Variants in SLC30A4 observed in about 807,000 individuals in gnomAD.
SLC30A4 encodes the protein solute carrier family 30 member 4.
SLC30A4 carries 20 observed loss-of-function variants against 41.7 expected under a neutral mutation model. The ratio of observed to expected loss-of-function variants is 0.48; its 90% CI spans 0.34 to 0.70. The LOEUF (loss-of-function observed/expected upper bound fraction) is 0.70. Ranked by LOEUF, SLC30A4 falls within the 30% of genes least tolerant of loss-of-function variation. The probability of loss-of-function intolerance (pLI) is 0.01; values close to 1 mark genes in which losing one functional copy is unlikely to be tolerated. For missense variants in SLC30A4, 441 were observed against 529.3 expected (o/e 0.83, Z 1.64); for synonymous variants, 181 against 195.9 (o/e 0.92, Z 0.64).
chr15:45,485,246 T>C lies in SLC30A4; in HGVS notation c.1207A>G (p.Met403Val). ...TGAAGCTGAATAGTACATCTATACA[T>C]GCCAAATGTGTTCAATAATAAATGG... ...ANHLLLNTFGMYRCTIQLQSY... is the reference protein window; with the variant it reads ...ANHLLLNTFGVYRCTIQLQSY... Residue 403 changes from methionine (M) to valine (V), a missense_variant, in exon 8 of 8, where the codon ATG becomes GTG. Around this residue, in one of 3 missense-constraint regions of SLC30A4, gnomAD observed 100 missense variants for 121.0 expected, o/e 0.83. Coordinates refer to ENST00000261867, the MANE Select transcript of SLC30A4 (RefSeq NM_013309.6). 1.9e-6 allele frequency: 3 copies of C among 1,611,184 alleles called. No individual in the cohort carries two copies. Among genetic ancestry groups the C allele is most frequent in the Non-Finnish European group, 2.5e-6 (3 of 1,177,600 alleles).
intron 2 of SLC30A4, among the ~76,000 whole-genome samples, chr15:45,514,300 G>T (rs906356628): frequency 1.3e-5 from 2 of 149,516 alleles, no homozygotes; most frequent in Non-Finnish European, 3.0e-5. Context: ...GGTGGAGGTT[G>T]TGGTGAGCTG....
chr15:45,507,718 C>T (rs1892191882), intron 3 of SLC30A4, among the ~76,000 whole-genome samples: 1 of 152,008 alleles, frequency 6.6e-6, no homozygotes, highest in Non-Finnish European at 1.5e-5. Context: ...AAACTCCTGG[C>T]TTCAAGTGAT....
At chr15:45,489,127 T>C (rs1056762641) in intron 4 of SLC30A4, 85 bp from the exon 5 acceptor site, 4 of 901,830 alleles carry the variant, frequency 4.4e-6, no homozygotes, top group Non-Finnish European at 6.8e-6. Flanking sequence ...TGAGGTAACA[T>C]GGAACTCATT....
intron 3 of SLC30A4, among the ~76,000 whole-genome samples, chr15:45,509,944 C>T (rs192126014): frequency 6.6e-6 from 1 of 152,212 alleles, no homozygotes; most frequent in African/African-American, 2.4e-5. Context: ...TGCTAGTGCA[C>T]GCCTATAGTC....
chr15:45,512,184 T>C (rs1231522216), intron 2 of SLC30A4, among the ~76,000 whole-genome samples: 1 of 152,210 alleles, frequency 6.6e-6, no homozygotes. Flanking sequence ...TGTGTCTGTA[T>C]TGTCCCATAA....
rs1891604759 is a variant in SLC30A4, at chr15:45,481,743, G to T, written c.*3420C>A. On this transcript the variant is annotated 3_prime_UTR_variant, in exon 8 of 8. Coordinates refer to ENST00000261867, the MANE Select transcript of SLC30A4 (RefSeq NM_013309.6). ...TTTGTCAGAAGTCATTCAGTCCTTG[G>T]TCCTATCTGCTAAGTTAATGTCCTT... 2.0e-5 allele frequency: 3 copies of T among 152,124 alleles called. No individual in the cohort carries two copies. The highest frequency in any genetic ancestry group is 4.4e-5 in the Non-Finnish European group (3 of 68,034). The allele number at this position is 152,124 out of a possible 1,614,324, so 9.4% of individuals were successfully genotyped here. A position where few individuals can be genotyped will look rare whatever the true frequency, so the allele number is the denominator to read the frequency against.
chr15:45,503,592 G>A (rs1392934782), intron 3 of SLC30A4, among the ~76,000 whole-genome samples: 1 of 151,816 alleles, frequency 6.6e-6, no homozygotes, highest in Non-Finnish European at 1.5e-5. Flanking sequence ...CTCCAGCCTG[G>A]GTGACAGAGG....
intron 3 of SLC30A4, among the ~76,000 whole-genome samples, chr15:45,495,661 A>G (rs1178950371): frequency 6.6e-6 from 1 of 152,234 alleles, no homozygotes; most frequent in Non-Finnish European, 1.5e-5. Flanking sequence ...AGTCAAACAC[A>G]GCGCATGAAC....
chr15:45,488,279 A>G (rs772737589), intron 5 of SLC30A4, among the ~76,000 whole-genome samples: 6 of 152,160 alleles, frequency 3.9e-5, no homozygotes, highest in Non-Finnish European at 8.8e-5. Context: ...GAGTTTTAAA[A>G]TTGAGTTATC....
intron 4 of SLC30A4, 139 bp from the exon 5 acceptor site, chr15:45,489,181 T>C: frequency 1.5e-6 from 1 of 670,218 alleles, no homozygotes; most frequent in South Asian, 2.0e-5. Context: ...AGTACTGTTC[T>C]AGGTACTTGG....
In SLC30A4 at chr15:45,487,519, G is replaced by GAT; in HGVS notation, c.1000+6_1000+7dup. 1 of 1,276,168 alleles carries GAT rather than the reference G, an allele frequency of 7.8e-7. No individual in the cohort carries two copies. Among genetic ancestry groups the GAT allele is most frequent in the South Asian group, 1.2e-5 (1 of 83,728 alleles). The allele number at this position is 1,276,168 out of a possible 1,614,324, so 79.1% of individuals were successfully genotyped here. Reference sequence around the variant, plus strand: ...TAAACTCATAATGAGGATATAGTGAGATCTTACCTTCTAGTATTATAACTA... The same window carrying GAT: ...TAAACTCATAATGAGGATATAGTGAGATATCTTACCTTCTAGTATTATAACTA... On this transcript the variant is annotated splice_region_variant and intron_variant, in intron 6 of 7. Transcript: ENST00000261867.
At chr15:45,493,698 C>T (rs1205917569) in intron 3 of SLC30A4, among the ~76,000 whole-genome samples, 1 of 151,912 alleles carries the variant, frequency 6.6e-6, no homozygotes, top group Non-Finnish European at 1.5e-5. Context: ...TGGTGGCGGG[C>T]CCCTGTAGCC....
intron 4 of SLC30A4, among the ~76,000 whole-genome samples, chr15:45,489,968 A>G (rs1891778828): frequency 6.6e-6 from 1 of 152,118 alleles, no homozygotes; most frequent in Non-Finnish European, 1.5e-5. Flanking sequence ...ACAAGTGTTG[A>G]GTAGCTTTGA....
intron 3 of SLC30A4, among the ~76,000 whole-genome samples, chr15:45,505,231 CA>C (rs1173997814): frequency 1.4e-5 from 1 of 69,698 alleles, no homozygotes; most frequent in Admixed American, 1.8e-4. Flanking sequence ...AACTCCATCT[CA>C]AAAATTAAAA....
rs1891608002 is a variant in SLC30A4, at chr15:45,481,990, G to C, written c.*3173C>G. On this transcript the variant is annotated 3_prime_UTR_variant, in exon 8 of 8. Transcript: ENST00000261867. ...AATCTCAGCACTTTGGGAGCCCGAGGTGGAAGGATTTCTTGAGCCCAGGAG... is the reference window on the plus strand; with the variant it reads ...AATCTCAGCACTTTGGGAGCCCGAGCTGGAAGGATTTCTTGAGCCCAGGAG... 6.7e-6 allele frequency: 1 copy of C among 149,026 alleles called. No individual in the cohort carries two copies. Among genetic ancestry groups the C allele is most frequent in the African/African-American group, 2.5e-5 (1 of 40,308 alleles). The allele number at this position is 149,026 out of a possible 1,614,324, so 9.2% of individuals were successfully genotyped here.
At chr15:45,499,369 G>T (rs189154151) in intron 3 of SLC30A4, among the ~76,000 whole-genome samples, 316 of 152,202 alleles carry the variant, frequency 2.1e-3, no homozygotes, top group African/African-American at 7.4e-3. Flanking sequence ...ACTGTGTCTG[G>T]CTCAGGCTGA....
At chr15:45,488,686 A>T (rs1891752397) in intron 5 of SLC30A4, among the ~76,000 whole-genome samples, 155 bp downstream of exon 5, 4 of 152,236 alleles carry the variant, frequency 2.6e-5, no homozygotes. Context: ...GTTTACTGCT[A>T]ACAAAAGAAC....
chr15:45,486,360 T>C, intron 7 of SLC30A4, among the ~76,000 whole-genome samples: 1 of 152,144 alleles, frequency 6.6e-6, no homozygotes, highest in East Asian at 1.9e-4. Context: ...AAGGTTAAAA[T>C]CAGTTTGTAA....
intron 2 of SLC30A4, among the ~76,000 whole-genome samples, chr15:45,518,185 AC>A (rs1320778620): frequency 1.4e-5 from 2 of 147,530 alleles, no homozygotes; most frequent in African/African-American, 5.0e-5. Flanking sequence ...AAACTCCCTC[AC>A]TCTGTTTGGG....
Sources: gnomAD v4.1 joint callset for allele counts (sites outside exome capture counted in the v4.1 genomes callset) on GRCh38, gnomAD v4.1.1 for gene constraint, gnomAD v4.1.1 regional missense constraint, MANE v1.5 for transcripts, NCBI Gene and HGNC (gene_info 2026-07-23, HGNC 2026-07-21) for gene names.